The following SLC16A10 variants were observed in gnomAD, a reference collection of about 807,000 sequenced individuals.
The protein encoded by SLC16A10 is solute carrier family 16 member 10.
A neutral mutation model predicts 40.0 loss-of-function variants in SLC16A10; 27 were observed. The observed-to-expected ratio is 0.67, with a 90% confidence interval of 0.50 to 0.93. The LOEUF is 0.93. SLC16A10 is among the 40% of genes least tolerant of loss of function. The probability of loss-of-function intolerance (pLI) is 0.00; values close to 1 mark genes in which losing one functional copy is unlikely to be tolerated. For missense variants in SLC16A10, 529 were observed against 658.2 expected (o/e 0.80, Z 2.15); for synonymous variants, 213 against 249.8 (o/e 0.85, Z 1.39).
At position 111,155,367 on chromosome 6, in the gene SLC16A10, G is replaced by GT. The variant is rs1280313066; in HGVS notation, c.344-17317dup. Among the ~76,000 whole-genome samples the GT allele has an allele frequency of 3.9e-3, 566 of 145,044 alleles. 2 individuals carry two copies. The highest frequency in any genetic ancestry group is 5.7e-3 in the African/African-American group (225 of 39,818). On this transcript the variant is annotated intron_variant, in intron 1 of 5. Coordinates refer to ENST00000368851, the MANE Select transcript of SLC16A10 (RefSeq NM_018593.5). ...CTGGCTAATTTTAAAAAGTTGTTTC[G>GT]TTTTTTTTTTTCTGTAGAGACAGGG...
intron 1 of SLC16A10, among the ~76,000 whole-genome samples, chr6:111,147,950 GATCAC>G (rs1772108417): frequency 6.6e-6 from 1 of 152,126 alleles, no homozygotes; most frequent in African/African-American, 2.4e-5. Context: ...GAGTGTTGCT[GATCAC>G]ATCACACCCA....
At chr6:111,163,860 C>G (rs970237787) in intron 1 of SLC16A10, among the ~76,000 whole-genome samples, 2 of 152,170 alleles carry the variant, frequency 1.3e-5, no homozygotes, top group African/African-American at 4.8e-5. Flanking sequence ...GTGAAGACAG[C>G]TTTCCAAACA....
At chr6:111,115,871 G>A (rs1321616013) in intron 1 of SLC16A10, among the ~76,000 whole-genome samples, 1 of 152,038 alleles carries the variant, frequency 6.6e-6, no homozygotes, top group South Asian at 2.1e-4. Context: ...AAGGGCTGTA[G>A]TAGTGTTTGC....
At chr6:111,103,410 G>A (rs912167513) in intron 1 of SLC16A10, among the ~76,000 whole-genome samples, 3 of 152,060 alleles carry the variant, frequency 2.0e-5, no homozygotes, top group Admixed American at 1.3e-4. Context: ...TAGAAATGGG[G>A]TTTCACCATG....
Position 111,222,192 on chromosome 6 carries a change from G to T in SLC16A10, c.1505G>T (p.Ser502Ile). ...MLENQNSLLS[S>I]SSGMFKKESD... is the part of the protein sequence containing the mutation. ...GAAAACCAGAACTCTCTGCTGTCAA[G>T]TTCATCTGGAATGTTCAAGAAAGAA... The change falls in exon 6 of 6, where the codon AGT (serine) becomes ATT (isoleucine). Residue 502 changes from serine to isoleucine, a missense_variant. By Grantham distance (142) the Ser-to-Ile change is moderately radical. Transcript: ENST00000368851. The T allele has an allele frequency of 6.2e-7, 1 of 1,606,638 alleles. No individual in the cohort carries two copies. The highest frequency in any genetic ancestry group is 1.1e-5 in the South Asian group (1 of 89,562).
chr6:111,209,305 G>C (rs557278354), intron 4 of SLC16A10, among the ~76,000 whole-genome samples: 8 of 152,284 alleles, frequency 5.3e-5, no homozygotes, highest in Non-Finnish European at 7.4e-5. Flanking sequence ...GAGATACTGA[G>C]ATCAAATGGA....
intron 1 of SLC16A10, among the ~76,000 whole-genome samples, chr6:111,151,705 T>C (rs936135031): frequency 6.6e-6 from 1 of 152,238 alleles, no homozygotes; most frequent in African/African-American, 2.4e-5. Flanking sequence ...CTGACATGGC[T>C]TTGCTGTGAT....
chr6:111,196,527 G>A (rs1357740279), intron 3 of SLC16A10, among the ~76,000 whole-genome samples: 1 of 152,020 alleles, frequency 6.6e-6, no homozygotes, highest in Admixed American at 6.6e-5. Context: ...ACAAAATACA[G>A]GCTGGGCTCA....
At chr6:111,149,813 T>G (rs62421925) in intron 1 of SLC16A10, among the ~76,000 whole-genome samples, 11,813 of 152,324 alleles carry the variant, frequency 0.078, 600 homozygotes, top group Middle Eastern at 0.14. Context: ...TTTGTGCTAC[T>G]CCTTTTCTCA....
intron 1 of SLC16A10, among the ~76,000 whole-genome samples, chr6:111,093,442 C>T (rs1771019515): frequency 6.6e-6 from 1 of 152,202 alleles, no homozygotes; most frequent in African/African-American, 2.4e-5. Context: ...GCTAGCCCCT[C>T]TGAAACTTCA....
intron 1 of SLC16A10, among the ~76,000 whole-genome samples, chr6:111,129,776 T>TTTTC (rs1771747888): frequency 6.6e-6 from 1 of 152,172 alleles, no homozygotes. Context: ...ACAACTTGAG[T>TTTTC]GAAAGGCCAC....
chr6:111,092,934 G>A (rs1332163237), intron 1 of SLC16A10, among the ~76,000 whole-genome samples: 1 of 151,658 alleles, frequency 6.6e-6, no homozygotes, highest in Non-Finnish European at 1.5e-5. Context: ...CCAGCTATTC[G>A]GGAGGCTGAG....
intron 1 of SLC16A10, among the ~76,000 whole-genome samples, chr6:111,112,583 A>T (rs1262447409): frequency 6.6e-6 from 1 of 152,246 alleles, no homozygotes; most frequent in Non-Finnish European, 1.5e-5. Context: ...CCTTCGCTGC[A>T]AGAAGAATTT....
chr6:111,205,265 C>G (rs192341430), intron 3 of SLC16A10, among the ~76,000 whole-genome samples: 6 of 152,268 alleles, frequency 3.9e-5, no homozygotes, highest in African/African-American at 1.4e-4. Context: ...AAAGAGATAT[C>G]ACCCAGAAAG....
chr6:111,194,042 C>A (rs551905228), intron 3 of SLC16A10, among the ~76,000 whole-genome samples: 3 of 152,070 alleles, frequency 2.0e-5, no homozygotes, highest in Non-Finnish European at 4.4e-5. Context: ...AGAGCGTCTT[C>A]TCTTCATTGC....
intron 1 of SLC16A10, among the ~76,000 whole-genome samples, chr6:111,095,461 G>A (rs974196018): frequency 6.6e-6 from 1 of 152,206 alleles, no homozygotes; most frequent in Non-Finnish European, 1.5e-5. Context: ...TAAAGTGGTA[G>A]ACAGAGAACC....
chr6:111,140,077 T>C (rs113148623), intron 1 of SLC16A10, among the ~76,000 whole-genome samples: 1 of 152,272 alleles, frequency 6.6e-6, no homozygotes, highest in African/African-American at 2.4e-5. Context: ...ACTTGGACAA[T>C]GTAATAATAT....
chr6:111,202,714 C>T (rs907181519), intron 3 of SLC16A10, among the ~76,000 whole-genome samples: 4 of 151,662 alleles, frequency 2.6e-5, no homozygotes, highest in Admixed American at 1.3e-4. Context: ...TGGTGAAACC[C>T]CGTCTCTACT....
intron 1 of SLC16A10, among the ~76,000 whole-genome samples, chr6:111,165,600 A>T (rs1772457641): frequency 1.3e-5 from 2 of 152,184 alleles, no homozygotes; most frequent in South Asian, 2.1e-4. Flanking sequence ...TGGCTTTTGA[A>T]CTTTACCAAA....
Sources: gnomAD v4.1 joint callset for allele counts (sites outside exome capture counted in the v4.1 genomes callset) on GRCh38, gnomAD v4.1.1 for gene constraint, MANE v1.5 for transcripts, NCBI Gene and HGNC (gene_info 2026-07-23, HGNC 2026-07-21) for gene names.